Variants in ANXA8 observed in about 807,000 individuals in gnomAD.
ANXA8 encodes the protein VAC-beta.
ANXA8 carries 9 observed loss-of-function variants against 26.8 expected under a neutral mutation model. The ratio of observed to expected loss-of-function variants is 0.34; its 90% CI spans 0.20 to 0.59. The LOEUF (loss-of-function observed/expected upper bound fraction) is 0.59. ANXA8 is among the 20% of genes least tolerant of loss of function. The pLI, the probability that ANXA8 is intolerant of heterozygous loss-of-function variation, is 0.84. For synonymous variants in ANXA8, 39 were observed against 94.8 expected (o/e 0.41, Z 3.42); for missense variants, 83 against 238.5 (o/e 0.35, Z 4.29).
At chr10:47,626,372 C>A in the ANXA8 span, among the ~76,000 whole-genome samples, 1 of 150,276 alleles carries the variant, frequency 6.7e-6, no homozygotes, top group Non-Finnish European at 1.5e-5. Flanking sequence ...CCACTATTAT[C>A]TGTGAACTAC....
chr10:47,701,099 C>CA, the ANXA8 span, among the ~76,000 whole-genome samples: 6 of 144,020 alleles, frequency 4.2e-5, no homozygotes, highest in African/African-American at 1.5e-4. Flanking sequence ...AGTCAATTTT[C>CA]AAAAAAAGAT....
At chr10:47,978,149 G>A in the ANXA8 span, among the ~76,000 whole-genome samples, 1 of 152,056 alleles carries the variant, frequency 6.6e-6, no homozygotes, top group Non-Finnish European at 1.5e-5. Flanking sequence ...AGGCAAGAAG[G>A]CAATGGGATA....
chr10:47,737,602 T>C, the ANXA8 span, among the ~76,000 whole-genome samples: 2 of 151,796 alleles, frequency 1.3e-5, no homozygotes, highest in Admixed American at 6.6e-5. Context: ...CCCATATTTT[T>C]CTTCATTAAA....
the ANXA8 span, among the ~76,000 whole-genome samples, chr10:47,932,477 A>G: frequency 1.3e-5 from 2 of 148,908 alleles, no homozygotes; most frequent in East Asian, 2.0e-4. Flanking sequence ...AAGGGTTTGA[A>G]CGAGGATGGT....
At chr10:47,650,382 T>G in the ANXA8 span, among the ~76,000 whole-genome samples, 1 of 143,346 alleles carries the variant, frequency 7.0e-6, no homozygotes, top group Non-Finnish European at 1.5e-5. Flanking sequence ...AGGACATCAT[T>G]AAGAAAGTGA....
chr10:47,672,994 T>C, the ANXA8 span, among the ~76,000 whole-genome samples: 2 of 150,468 alleles, frequency 1.3e-5, no homozygotes. Flanking sequence ...ATGGTTGCTC[T>C]AGGATGGAAC....
At chr10:47,521,930 G>A in the ANXA8 span, among the ~76,000 whole-genome samples, 8 of 149,926 alleles carry the variant, frequency 5.3e-5, no homozygotes, top group South Asian at 2.1e-4. Flanking sequence ...ACAGTCATGC[G>A]CCACTACGCC....
the ANXA8 span, among the ~76,000 whole-genome samples, chr10:47,618,072 T>G: frequency 9.1e-6 from 1 of 110,084 alleles, no homozygotes; most frequent in Non-Finnish European, 2.0e-5. Flanking sequence ...TCAAAACTTA[T>G]AGATTAGCAG....
the ANXA8 span, among the ~76,000 whole-genome samples, chr10:47,661,009 A>T: frequency 6.6e-6 from 1 of 150,790 alleles, no homozygotes; most frequent in African/African-American, 2.5e-5. Flanking sequence ...TTAATCAAAT[A>T]TTCTGCCCAT....
the ANXA8 span, among the ~76,000 whole-genome samples, chr10:47,733,243 CTTTCTT>C: frequency 2.6e-5 from 2 of 77,696 alleles, no homozygotes; most frequent in East Asian, 4.9e-4. Context: ...CTCTTTCTTT[CTTTCTT>C]TCTTTCTTTC....
chr10:47,631,980 T>A, the ANXA8 span, among the ~76,000 whole-genome samples: 2 of 152,124 alleles, frequency 1.3e-5, no homozygotes, highest in Admixed American at 1.3e-4. Context: ...TTTAAGAAAG[T>A]CTAATAATAA....
At chr10:47,571,425 T>C in the ANXA8 span, among the ~76,000 whole-genome samples, 1 of 149,364 alleles carries the variant, frequency 6.7e-6, no homozygotes, top group African/African-American at 2.5e-5. Context: ...CTCTCACTTC[T>C]CGGCAAACCT....
chr10:47,468,820 T>G lies in ANXA8; in HGVS notation c.*27A>C. On this transcript the variant is annotated 3_prime_UTR_variant, in exon 12 of 12. Coordinates refer to ENST00000585281, the MANE Select transcript of ANXA8 (RefSeq NM_001040084.3). ...AGGAGTCCTGGAGACTCTGGCTTCATGGTCTTTGCTCTTGTTCTTCTGTGC... is the reference window on the plus strand; with the variant it reads ...AGGAGTCCTGGAGACTCTGGCTTCAGGGTCTTTGCTCTTGTTCTTCTGTGC... The G allele has an allele frequency of 6.2e-7, 1 of 1,608,592 alleles. No homozygotes were observed. The highest frequency in any genetic ancestry group is 1.1e-5 in the South Asian group (1 of 90,090).
At chr10:47,949,730 T>C in the ANXA8 span, among the ~76,000 whole-genome samples, 2 of 149,162 alleles carry the variant, frequency 1.3e-5, no homozygotes, top group East Asian at 4.3e-4. Context: ...TATACCCTCA[T>C]GCAACCACTA....
the ANXA8 span, chr10:47,491,464 G>A: frequency 1.7e-6 from 1 of 586,710 alleles, no homozygotes; most frequent in Non-Finnish European, 2.9e-6. Context: ...TGCTGACTTG[G>A]TAGAGCAGGA....
chr10:47,769,430 G>A, the ANXA8 span, among the ~76,000 whole-genome samples: 1 of 148,520 alleles, frequency 6.7e-6, no homozygotes, highest in East Asian at 2.0e-4. Flanking sequence ...CATGGGAGAT[G>A]GGGAGACTTA....
the ANXA8 span, among the ~76,000 whole-genome samples, chr10:47,659,016 C>T: frequency 1.5e-4 from 22 of 150,532 alleles, no homozygotes; most frequent in East Asian, 1.2e-3. Context: ...GGAATACAGG[C>T]GCCCGCCACC....
At chr10:47,513,396 G>A in the ANXA8 span, among the ~76,000 whole-genome samples, 2 of 142,172 alleles carry the variant, frequency 1.4e-5, 1 homozygote, top group Admixed American at 1.4e-4. Context: ...CATGGACACA[G>A]ACAAATGGAA....
At chr10:47,469,326 G>A in intron 11 of ANXA8, among the ~76,000 whole-genome samples, 1 of 151,966 alleles carries the variant, frequency 6.6e-6, no homozygotes, top group Non-Finnish European at 1.5e-5. Context: ...CCTGGGGGCA[G>A]GGCCGGGGGT....
Sources: allele counts gnomAD v4.1 joint callset (sites outside exome capture counted in the v4.1 genomes callset), GRCh38; gene constraint gnomAD v4.1.1; transcripts MANE v1.5; gene names NCBI Gene and HGNC (gene_info 2026-07-23, HGNC 2026-07-21).